COL26A1: variants seen among roughly 807,000 people sequenced by gnomAD.
The protein encoded by COL26A1 is collagen alpha-1(XXVI) chain.
COL26A1 carries 41 observed loss-of-function variants against 59.3 expected under a neutral mutation model. The ratio of observed to expected loss-of-function variants is 0.69; its 90% CI spans 0.54 to 0.90. The LOEUF (loss-of-function observed/expected upper bound fraction) is 0.90, where lower values mean the gene tolerates loss of function less well. COL26A1 is among the 40% of genes least tolerant of loss of function. The pLI, the probability that COL26A1 is intolerant of heterozygous loss-of-function variation, is 0.00. For missense variants in COL26A1, 612 were observed against 602.3 expected (o/e 1.02, Z -0.17); for synonymous variants, 266 against 256.0 (o/e 1.04, Z -0.37).
At chr7:101,453,990 T>C (rs187384540) in intron 3 of COL26A1, among the ~76,000 whole-genome samples, 5 of 152,244 alleles carry the variant, frequency 3.3e-5, no homozygotes, top group Non-Finnish European at 7.3e-5. Context: ...GGAAATACTT[T>C]CCTTTCTACA....
At chr7:101,507,515 C>T (rs574257078) in intron 3 of COL26A1, among the ~76,000 whole-genome samples, 25 of 147,610 alleles carry the variant, frequency 1.7e-4, no homozygotes, top group Admixed American at 1.5e-3. Flanking sequence ...TCCACCTCCC[C>T]GCCTCAGGTG....
intron 3 of COL26A1, among the ~76,000 whole-genome samples, chr7:101,475,822 CTCTCTT>C (rs1794024058): frequency 6.9e-6 from 1 of 145,196 alleles, no homozygotes; most frequent in African/African-American, 2.6e-5. Context: ...CTTTCTTTCT[CTCTCTT>C]TCTCTCTCTC....
chr7:101,473,608 CCACACA>C (rs150820078), intron 3 of COL26A1, among the ~76,000 whole-genome samples: 6,664 of 143,376 alleles, frequency 0.046, 158 homozygotes, highest in South Asian at 0.059. Flanking sequence ...CACCTTGTCT[CCACACA>C]CACACACACA....
At chr7:101,458,676 T>C (rs543759772) in intron 3 of COL26A1, among the ~76,000 whole-genome samples, 1 of 152,068 alleles carries the variant, frequency 6.6e-6, no homozygotes, top group African/African-American at 2.4e-5. Context: ...TGGTACTCTA[T>C]AGTTTAGAAA....
intron 3 of COL26A1, among the ~76,000 whole-genome samples, chr7:101,523,735 C>T (rs919850260): frequency 1.1e-4 from 16 of 152,094 alleles, no homozygotes; most frequent in African/African-American, 3.1e-4. Flanking sequence ...CCATCTGTCT[C>T]GTGTCTTAAT....
intron 3 of COL26A1, among the ~76,000 whole-genome samples, chr7:101,474,124 C>A (rs974128671): frequency 3.3e-5 from 5 of 152,144 alleles, no homozygotes; most frequent in African/African-American, 1.2e-4. Flanking sequence ...TAACCCTGGG[C>A]AGCAGGCAGG....
At chr7:101,548,270 A>C (rs1327183289) in intron 8 of COL26A1, among the ~76,000 whole-genome samples, 1 of 152,144 alleles carries the variant, frequency 6.6e-6, no homozygotes, top group Non-Finnish European at 1.5e-5. Context: ...CCTGCACCAC[A>C]GGGAGGGATC....
At chr7:101,441,171 T>G (rs1346820998) in intron 2 of COL26A1, among the ~76,000 whole-genome samples, 1 of 152,116 alleles carries the variant, frequency 6.6e-6, no homozygotes, top group African/African-American at 2.4e-5. Flanking sequence ...CAGATCCCAG[T>G]TCCACCACCT....
chr7:101,471,570 T>G (rs868464473), intron 3 of COL26A1, among the ~76,000 whole-genome samples: 5 of 136,358 alleles, frequency 3.7e-5, no homozygotes, highest in African/African-American at 1.4e-4. Context: ...TGTTGTTGTT[T>G]GTTTTTTTTT....
chr7:101,515,920 ATCTC>A (rs1163311812), intron 3 of COL26A1, among the ~76,000 whole-genome samples: 2 of 152,274 alleles, frequency 1.3e-5, no homozygotes, highest in East Asian at 3.9e-4. Flanking sequence ...GGGCTTGGCC[ATCTC>A]TCTCCCGTCC....
intron 2 of COL26A1, among the ~76,000 whole-genome samples, chr7:101,440,338 C>G (rs1793025381): frequency 6.6e-6 from 1 of 152,100 alleles, no homozygotes; most frequent in African/African-American, 2.4e-5. Context: ...TACACTCCAG[C>G]CGGGGCAACA....
Position 101,472,027 on chromosome 7 carries a change from C to A in COL26A1, c.385+24240C>A, listed in dbSNP as rs1019610598. On this transcript the variant is annotated intron_variant, in intron 3 of 12. Transcript: ENST00000313669. ...TTAAAGCAAAACTTTTTTTTTGAGACAGGATCTTACTTTGTCACCCAGGCT... is the reference window on the plus strand; with the variant it reads ...TTAAAGCAAAACTTTTTTTTTGAGAAAGGATCTTACTTTGTCACCCAGGCT... Among the ~76,000 whole-genome samples the A allele has an allele frequency of 9.2e-5, 14 of 151,782 alleles. 1 individual carries two copies. The highest frequency in any genetic ancestry group is 7.9e-4 in the Admixed American group (12 of 15,258).
At chr7:101,512,341 A>C (rs1432432000) in intron 3 of COL26A1, among the ~76,000 whole-genome samples, 1 of 152,124 alleles carries the variant, frequency 6.6e-6, no homozygotes, top group African/African-American at 2.4e-5. Flanking sequence ...AAACCTAGCC[A>C]GGTGTGGTGG....
intron 2 of COL26A1, among the ~76,000 whole-genome samples, chr7:101,426,597 G>C (rs116266194): frequency 0.017 from 2,593 of 152,232 alleles, 68 homozygotes; most frequent in African/African-American, 0.06. Flanking sequence ...ATCCCTAGCA[G>C]ACTTCCCTGG....
Position 101,507,698 on chromosome 7 carries a change from G to A in COL26A1, c.386-25384G>A, listed in dbSNP as rs111248481. Reference sequence around the variant, plus strand: ...CTTCCCAAAGGTTGGGATTACTGGCGTGAGCCACCACAAAGTGGCCCATTT... The same window carrying A: ...CTTCCCAAAGGTTGGGATTACTGGCATGAGCCACCACAAAGTGGCCCATTT... On this transcript the variant is annotated intron_variant, in intron 3 of 12. Transcript: ENST00000313669. Among the ~76,000 whole-genome samples the A allele has an allele frequency of 6.6e-4, 100 of 152,150 alleles. No homozygotes were observed. In the Middle Eastern group the frequency reaches 0.017, roughly 26 times the overall value.
At chr7:101,473,227 C>T (rs1793947833) in intron 3 of COL26A1, among the ~76,000 whole-genome samples, 2 of 151,952 alleles carry the variant, frequency 1.3e-5, no homozygotes, top group Non-Finnish European at 1.5e-5. Context: ...CTACAGGCGC[C>T]CGCCACCACG....
intron 3 of COL26A1, among the ~76,000 whole-genome samples, chr7:101,515,303 A>G (rs374038897): frequency 9.9e-5 from 15 of 152,062 alleles, no homozygotes; most frequent in African/African-American, 3.6e-4. Context: ...TTTTTGAGAC[A>G]GGGTCTCAAC....
intron 1 of COL26A1, among the ~76,000 whole-genome samples, chr7:101,380,342 CTG>C (rs1459594742): frequency 6.9e-6 from 1 of 145,336 alleles, no homozygotes; most frequent in Admixed American, 7.2e-5. Flanking sequence ...GTCGCCCAGA[CTG>C]GAGTGCAGTG....
intron 11 of COL26A1, among the ~76,000 whole-genome samples, chr7:101,554,185 A>AG (rs1048915956): frequency 3.3e-5 from 5 of 151,536 alleles, no homozygotes; most frequent in Admixed American, 3.3e-4. Context: ...TGGGGCCGGC[A>AG]GGGGGGGCCT....
Sources: allele counts gnomAD v4.1 joint callset (sites outside exome capture counted in the v4.1 genomes callset), GRCh38; gene constraint gnomAD v4.1.1; transcripts MANE v1.5; gene names NCBI Gene and HGNC (gene_info 2026-07-23, HGNC 2026-07-21).